GLYATL1: variants seen among roughly 807,000 people sequenced by gnomAD.
GLYATL1 encodes the protein glycine N-acyltransferase-like protein 1.
GLYATL1 carries 15 observed loss-of-function variants against 20.0 expected under a neutral mutation model. The ratio of observed to expected loss-of-function variants is 0.75; its 90% confidence interval spans 0.50 to 1.15. The LOEUF is 1.15. GLYATL1 is among the 50% of genes most tolerant of loss of function. The pLI is 0.00. For synonymous variants in GLYATL1, 151 were observed against 131.5 expected, an observed-to-expected ratio of 1.15 and a Z score of -1.01; for missense variants, 380 against 368.5, an observed-to-expected ratio of 1.03 and a Z score of -0.26.
In GLYATL1 at chr11:58,956,254, T is replaced by A. The variant is rs1255263311; in HGVS notation, c.*227T>A. ...ATTCTTTAAATATGCTTAAGTGTTA[T>A]AGGGAAAGACGGGGTTACCAGTAAA... On this transcript the variant is annotated 3_prime_UTR_variant, in exon 7 of 7. Coordinates refer to ENST00000532726, the MANE Select transcript of GLYATL1 (RefSeq NM_001389712.2). 1 of 515,886 alleles carries A rather than the reference T, an allele frequency of 1.9e-6. No individual in the cohort carries two copies. Among genetic ancestry groups the A allele is most frequent in the Non-Finnish European group, 3.4e-6 (1 of 292,934 alleles). 32.0% of individuals were successfully genotyped at this position (515,886 alleles called of 1,614,324 possible).
intron 1 of GLYATL1, among the ~76,000 whole-genome samples, chr11:58,929,687 C>G (rs1215267454): frequency 6.6e-6 from 1 of 152,180 alleles, no homozygotes. Flanking sequence ...TTTTAGTTAG[C>G]TGGTTTCTCA....
upstream of GLYATL1, among the ~76,000 whole-genome samples, chr11:58,924,122 T>C (rs372005543): frequency 6.6e-6 from 1 of 152,240 alleles, no homozygotes; most frequent in East Asian, 1.9e-4. Context: ...GGTTTGTCAC[T>C]GTGGCTGGCC....
upstream of GLYATL1, among the ~76,000 whole-genome samples, chr11:58,938,585 A>C (rs942585289): frequency 2.0e-5 from 3 of 152,312 alleles, no homozygotes; most frequent in Admixed American, 1.3e-4. Context: ...GAACTAAGCT[A>C]GGCCCGGAGA....
Position 58,921,048 on chromosome 11 carries a change from C to T in GLYATL1, n.264+15387C>T, listed in dbSNP as rs114788754. On this transcript the variant is annotated intron_variant and non_coding_transcript_variant, in intron 1 of 2. Coordinates refer to the GLYATL1 transcript ENST00000534674. Reference sequence around the variant, plus strand: ...GTCCCAAGTTTGGGGTCTGAATTAACGCTTCTTTGATTGTTTTTAAGGCCT... The same window carrying T: ...GTCCCAAGTTTGGGGTCTGAATTAATGCTTCTTTGATTGTTTTTAAGGCCT... Among the ~76,000 whole-genome samples, 833 of 152,298 alleles carry T rather than the reference C, an allele frequency of 5.5e-3. 9 individuals carry two copies. Among genetic ancestry groups the T allele is most frequent in the African/African-American group, 0.019 (786 of 41,560 alleles).
intron 1 of GLYATL1, among the ~76,000 whole-genome samples, chr11:58,930,504 A>T (rs1234993721): frequency 6.6e-6 from 1 of 152,252 alleles, no homozygotes; most frequent in Non-Finnish European, 1.5e-5. Flanking sequence ...AAAGATTTAT[A>T]GATAAAATAT....
At chr11:58,910,077 C>T (rs576414323), downstream of GLYATL1, among the ~76,000 whole-genome samples, 4 of 152,274 alleles carry the variant, frequency 2.6e-5, no homozygotes, top group Admixed American at 6.5e-5. Flanking sequence ...AAGTAGCTCA[C>T]CCATTCCTGC....
intron 1 of GLYATL1, among the ~76,000 whole-genome samples, chr11:58,921,590 G>C (rs1462517261): frequency 1.3e-5 from 2 of 152,006 alleles, no homozygotes; most frequent in Non-Finnish European, 2.9e-5. Flanking sequence ...TTTGCATCAC[G>C]CACATTGATT....
upstream of GLYATL1, chr11:58,935,271 G>A (rs1011274677): frequency 1.3e-5 from 2 of 152,198 alleles, no homozygotes; most frequent in African/African-American, 2.4e-5. Context: ...CTGGAGTTTC[G>A]GGCAATAGTC....
At chr11:58,920,448 C>T (rs1366592653) in intron 1 of GLYATL1, among the ~76,000 whole-genome samples, 5 of 152,160 alleles carry the variant, frequency 3.3e-5, no homozygotes, top group Non-Finnish European at 7.4e-5. Flanking sequence ...AAAACTGCAC[C>T]TCTACTACTG....
chr11:58,949,636 A>T (rs555370308), intron 4 of GLYATL1, among the ~76,000 whole-genome samples: 10 of 152,272 alleles, frequency 6.6e-5, no homozygotes, highest in Non-Finnish European at 1.2e-4. Flanking sequence ...GAGTCAATAA[A>T]CAAAAATATG....
downstream of GLYATL1, among the ~76,000 whole-genome samples, chr11:58,910,790 TTTTA>T (rs1436107706): frequency 3.3e-5 from 5 of 152,238 alleles, no homozygotes; most frequent in Admixed American, 3.3e-4. Flanking sequence ...AGACTTTAAC[TTTTA>T]TTGTTTCGTT....
At chr11:58,943,779 C>T (rs190493159) in intron 2 of GLYATL1, 113 bp downstream of exon 2, 4 of 1,457,984 alleles carry the variant, frequency 2.7e-6, no homozygotes, top group African/African-American at 1.4e-5. Context: ...AGGAAACAGA[C>T]TGGGTCTAGG....
intron 6 of GLYATL1, 25 bp from the exon 7 acceptor site, chr11:58,955,585 T>C (rs1257494983): frequency 1.2e-6 from 2 of 1,605,176 alleles, no homozygotes; most frequent in South Asian, 1.1e-5. Context: ...ATGAAAGTTG[T>C]TGTCTTTCTT....
At chr11:58,907,470 C>T (rs1016167170) in exon 2 of GLYATL1, 1 of 300,222 alleles carries the variant, frequency 3.3e-6, no homozygotes, top group South Asian at 1.8e-5. Flanking sequence ...ATGTATTTCG[C>T]TCTTTTTTGT....
upstream of GLYATL1, among the ~76,000 whole-genome samples, chr11:58,925,572 C>A (rs983197432): frequency 2.6e-5 from 4 of 151,976 alleles, no homozygotes; most frequent in African/African-American, 9.7e-5. Flanking sequence ...CTTTTTAAAT[C>A]ATTCTTTCCC....
In GLYATL1 at chr11:58,939,645, A is replaced by G. The variant is rs143232231; in HGVS notation, c.-172A>G. 2 of 152,396 alleles carry G rather than the reference A, an allele frequency of 1.3e-5. No individual in the cohort carries two copies. The highest frequency in any genetic ancestry group is 3.9e-4 in the East Asian group (2 of 5,192). 9.4% of individuals were successfully genotyped at this position (152,396 alleles called of 1,614,324 possible). A position where few individuals can be genotyped will look rare whatever the true frequency, so the allele number is the denominator to read the frequency against. On this transcript the variant is annotated 5_prime_UTR_variant, in exon 1 of 7. Transcript: ENST00000532726. ...CCTTTGGAATTTCACATCGGCATCC[A>G]GATAGGTGACTGTCCTTTGTGGGCC... is the stretch of plus-strand genomic sequence containing the variant.
intron 4 of GLYATL1, among the ~76,000 whole-genome samples, chr11:58,953,929 A>C (rs543438397): frequency 6.6e-6 from 1 of 152,348 alleles, no homozygotes; most frequent in South Asian, 2.1e-4. Flanking sequence ...CTGTCATGCC[A>C]GAATGGGATC....
intron 1 of GLYATL1, among the ~76,000 whole-genome samples, chr11:58,941,093 G>A (rs1408429941): frequency 1.3e-5 from 2 of 151,884 alleles, no homozygotes; most frequent in East Asian, 1.9e-4. Flanking sequence ...ACAATGTGCA[G>A]GTTAGTTACA....
At chr11:58,942,607 G>T (rs1856242127) in intron 1 of GLYATL1, 1 of 152,124 alleles carries the variant, frequency 6.6e-6, no homozygotes, top group African/African-American at 2.4e-5. Flanking sequence ...GGGTGGAGAG[G>T]GTGGATAAGA....
Sources: allele counts gnomAD v4.1 joint callset (sites outside exome capture counted in the v4.1 genomes callset), GRCh38; gene constraint gnomAD v4.1.1; transcripts MANE v1.5; gene names NCBI Gene and HGNC (gene_info 2026-07-23, HGNC 2026-07-21).